Variants in STIM1 observed in about 807,000 individuals in gnomAD.
The protein encoded by STIM1 is stromal interaction molecule 1.
STIM1 carries 25 observed loss-of-function variants against 74.7 expected under a neutral mutation model. The ratio of observed to expected loss-of-function variants is 0.33; its 90% CI spans 0.24 to 0.47. STIM1 has a LOEUF of 0.47. STIM1 is among the 20% of genes least tolerant of loss of function. STIM1 has a pLI of 1.00. For synonymous variants in STIM1, 328 were observed against 348.8 expected (o/e 0.94, Z 0.66); for missense variants, 728 against 920.8 (o/e 0.79, Z 2.71).
At chr11:4,071,304 C>A (rs2094401962) in intron 6 of STIM1, among the ~76,000 whole-genome samples, 1 of 151,848 alleles carries the variant, frequency 6.6e-6, no homozygotes, top group African/African-American at 2.4e-5. Flanking sequence ...TGCAGGAATT[C>A]ATGTAAAAGG....
At chr11:3,864,805 T>C (rs2090787687) in intron 1 of STIM1, among the ~76,000 whole-genome samples, 1 of 152,222 alleles carries the variant, frequency 6.6e-6, no homozygotes, top group Non-Finnish European at 1.5e-5. Context: ...CTAGGTTCTG[T>C]GGCCTTTTAG....
At chr11:3,863,792 G>A (rs2090736872) in intron 1 of STIM1, among the ~76,000 whole-genome samples, 1 of 152,118 alleles carries the variant, frequency 6.6e-6, no homozygotes, top group Non-Finnish European at 1.5e-5. Flanking sequence ...TTGCGTTCAA[G>A]TAATCCTTAT....
intron 1 of STIM1, among the ~76,000 whole-genome samples, chr11:3,898,818 A>G (rs1265008743): frequency 1.3e-5 from 2 of 149,322 alleles, no homozygotes; most frequent in African/African-American, 4.9e-5. Context: ...CAAAGATCAG[A>G]TAGTTGTAGA....
intron 12 of STIM1, 183 bp downstream of exon 12, chr11:4,086,726 CCACCTT>C (rs1376192778): frequency 6.5e-7 from 1 of 1,537,730 alleles, no homozygotes; most frequent in East Asian, 2.4e-5. Context: ...ACCACCACCA[CCACCTT>C]CACCACCGTC....
At chr11:4,032,526 G>A (rs1228427055) in intron 3 of STIM1, among the ~76,000 whole-genome samples, 1 of 152,116 alleles carries the variant, frequency 6.6e-6, no homozygotes, top group Non-Finnish European at 1.5e-5. Context: ...TCAGGTCCTT[G>A]AATAAACCTG....
At position 3,895,771 on chromosome 11, in the gene STIM1, C is replaced by T. The variant is rs918709959; in HGVS notation, c.139+39362C>T. On this transcript the variant is annotated intron_variant, in intron 1 of 12. Coordinates refer to ENST00000526596, the MANE Select transcript of STIM1 (RefSeq NM_001382567.1). ...TCCTTCCTTCCTTCCTTCCTTCCTT[C>T]CTTCCTTCCTTCCTTCCTTCCTTCC... Among the ~76,000 whole-genome samples the T allele has an allele frequency of 6.9e-3, 547 of 79,318 alleles. 57 individuals carry two copies. The highest frequency in any genetic ancestry group is 9.2e-3 in the Non-Finnish European group (405 of 44,046). The allele number at this position is 79,318 out of a possible 152,430, so 52.0% of individuals were successfully genotyped here. A position where few individuals can be genotyped will look rare whatever the true frequency, so the allele number is the denominator to read the frequency against.
At chr11:3,861,391 G>A (rs923188247) in intron 1 of STIM1, among the ~76,000 whole-genome samples, 3 of 151,976 alleles carry the variant, frequency 2.0e-5, no homozygotes, top group South Asian at 2.1e-4. Context: ...CCGCCACCAC[G>A]CCTGGCTAAT....
chr11:4,077,423 T>C (rs1407683590), intron 7 of STIM1, among the ~76,000 whole-genome samples: 15 of 152,074 alleles, frequency 9.9e-5, no homozygotes, highest in Admixed American at 9.8e-4. Context: ...ACTAAAATGA[T>C]ACTAGACAAA....
chr11:4,083,095 G>C, intron 9 of STIM1, 113 bp downstream of exon 9: 1 of 1,175,758 alleles, frequency 8.5e-7, no homozygotes, highest in Non-Finnish European at 1.3e-6. Flanking sequence ...GGACAGCTCT[G>C]GTCTCCTGCC....
rs146362417 is a variant in STIM1, at chr11:3,958,498, C to T, written c.140-9054C>T. Among the ~76,000 whole-genome samples the T allele has an allele frequency of 3.5e-3, 537 of 152,226 alleles. 1 individual carries two copies. Among genetic ancestry groups the T allele is most frequent in the Non-Finnish European group, 6.0e-3 (409 of 68,010 alleles). On this transcript the variant is annotated intron_variant, in intron 1 of 12. Transcript: ENST00000526596. ...CTGGTCCTCTTCTTGGATATGAGGA[C>T]GAGTGGTTCTAACAGACGCAGGAAT...
intron 7 of STIM1, among the ~76,000 whole-genome samples, chr11:4,079,956 G>A (rs1565169782): frequency 6.6e-6 from 1 of 152,038 alleles, no homozygotes; most frequent in Non-Finnish European, 1.5e-5. Context: ...GGTAGCTCAC[G>A]CCTATAATCC....
intron 1 of STIM1, among the ~76,000 whole-genome samples, chr11:3,918,343 C>T (rs945167038): frequency 6.6e-6 from 1 of 151,956 alleles, no homozygotes; most frequent in Admixed American, 6.6e-5. Flanking sequence ...ATGAGGAAAT[C>T]GCATCTCTAC....
rs1375399301 is a variant in STIM1, at chr11:4,059,393, C to T, written c.610C>T (p.Leu204Phe). Residue 204 changes from leucine to phenylalanine, a missense_variant, in exon 5 of 13, where the codon CTC becomes TTC. Leu to Phe is a conservative substitution (Grantham distance 22, BLOSUM62 0). This residue lies in a region of STIM1 where 132 missense variants were observed against 158.2 expected (regional missense o/e 0.83). Transcript: ENST00000526596. The part of the protein sequence containing the change: ...ALDTVLFGPP[L>F]LTRHNHLKDF... ...GGATACAGTGCTCTTTGGGCCTCCT[C>T]TCTGTGAGTCTTGTGTTGAGAAGGG... 6.2e-7 allele frequency: 1 copy of T among 1,613,658 alleles called. No individual in the cohort carries two copies. The highest frequency in any genetic ancestry group is 8.5e-7 in the Non-Finnish European group (1 of 1,179,658).
intron 2 of STIM1, among the ~76,000 whole-genome samples, chr11:4,009,610 A>AAATAATAAT (rs138315167): frequency 1.3e-5 from 2 of 150,180 alleles, no homozygotes; most frequent in African/African-American, 2.4e-5. Flanking sequence ...CTCCATCTCA[A>AAATAATAAT]AATAATAATA....
intron 1 of STIM1, among the ~76,000 whole-genome samples, chr11:3,915,335 C>T (rs1370939333): frequency 6.6e-6 from 1 of 152,064 alleles, no homozygotes; most frequent in Non-Finnish European, 1.5e-5. Context: ...AGCAATACAC[C>T]TGCCTCAGCC....
intron 2 of STIM1, among the ~76,000 whole-genome samples, chr11:4,018,473 A>AAAC: frequency 6.8e-6 from 1 of 147,008 alleles, no homozygotes; most frequent in East Asian, 2.0e-4. Context: ...AAAAAAAAAA[A>AAAC]AAAAAAAAAA....
intron 2 of STIM1, among the ~76,000 whole-genome samples, chr11:4,008,660 A>G (rs1311022898): frequency 6.6e-6 from 1 of 152,204 alleles, no homozygotes; most frequent in Non-Finnish European, 1.5e-5. Context: ...AACTCTGGAT[A>G]GGACGCCATT....
intron 3 of STIM1, among the ~76,000 whole-genome samples, chr11:4,050,157 G>T (rs767915426): frequency 6.6e-6 from 1 of 152,178 alleles, no homozygotes; most frequent in Non-Finnish European, 1.5e-5. Flanking sequence ...TTTGGGTTAT[G>T]TACTCATCCC....
intron 3 of STIM1, among the ~76,000 whole-genome samples, chr11:4,049,801 G>A (rs1413660446): frequency 1.3e-5 from 2 of 151,254 alleles, no homozygotes; most frequent in East Asian, 1.9e-4. Context: ...GACTGCCTGA[G>A]ACCAAATCTT....
Sources: gnomAD v4.1 joint callset for allele counts (sites outside exome capture counted in the v4.1 genomes callset) on GRCh38, gnomAD v4.1.1 for gene constraint, gnomAD v4.1.1 regional missense constraint, MANE v1.5 for transcripts, NCBI Gene and HGNC (gene_info 2026-07-23, HGNC 2026-07-21) for gene names.